Variants in RIC8B observed in about 807,000 individuals in gnomAD.
The protein encoded by RIC8B is chaperone Ric-8B.
In RIC8B, 16 loss-of-function variants were observed where a neutral mutation model predicts 57.5. The ratio of observed to expected loss-of-function variants is 0.28; its 90% CI spans 0.19 to 0.42. The LOEUF (loss-of-function observed/expected upper bound fraction) is 0.42, where lower values mean the gene tolerates loss of function less well. RIC8B is among the 10% of genes least tolerant of loss of function. The probability of loss-of-function intolerance (pLI) is 1.00; values close to 1 mark genes in which losing one functional copy is unlikely to be tolerated. For missense variants in RIC8B, 481 were observed against 677.0 expected (o/e 0.71, Z 3.21); for synonymous variants, 216 against 250.8 (o/e 0.86, Z 1.31).
intron 4 of RIC8B, among the ~76,000 whole-genome samples, chr12:106,842,272 G>T (rs1948984245): frequency 6.6e-6 from 1 of 152,146 alleles, no homozygotes; most frequent in African/African-American, 2.4e-5. Context: ...AGCTAGCATT[G>T]TTGCCATAAT....
At chr12:106,804,280 T>G (rs1489202250) in intron 2 of RIC8B, among the ~76,000 whole-genome samples, 1 of 151,494 alleles carries the variant, frequency 6.6e-6, no homozygotes, top group South Asian at 2.1e-4. Context: ...AATGGCGTGA[T>G]CTCTGCTCAC....
chr12:106,851,984 A>G (rs965163056), intron 7 of RIC8B, among the ~76,000 whole-genome samples: 3 of 152,160 alleles, frequency 2.0e-5, no homozygotes, highest in African/African-American at 2.4e-5. Flanking sequence ...AATTAAAGCT[A>G]TAGGAGTTTT....
intron 2 of RIC8B, among the ~76,000 whole-genome samples, chr12:106,803,541 T>C (rs533984643): frequency 1.4e-4 from 21 of 152,354 alleles, no homozygotes; most frequent in Admixed American, 7.8e-4. Context: ...TGGAAAGTTA[T>C]TGCATTTTCC....
chr12:106,816,900 A>T (rs1318312341), intron 3 of RIC8B, among the ~76,000 whole-genome samples: 2 of 152,210 alleles, frequency 1.3e-5, no homozygotes, highest in Non-Finnish European at 2.9e-5. Context: ...TCTTCAAAAG[A>T]TATATGAAAA....
At chr12:106,869,847 G>GGTGCTTCC (rs1395196608) in intron 8 of RIC8B, among the ~76,000 whole-genome samples, 1 of 152,290 alleles carries the variant, frequency 6.6e-6, no homozygotes, top group East Asian at 1.9e-4. Flanking sequence ...GTTGAGGCAG[G>GGTGCTTCC]AGAATCACTT....
At chr12:106,870,671 T>C in intron 8 of RIC8B, among the ~76,000 whole-genome samples, 152 bp from the exon 9 acceptor site, 1 of 152,196 alleles carries the variant, frequency 6.6e-6, no homozygotes, top group East Asian at 1.9e-4. Flanking sequence ...GTTTTAAAAA[T>C]TCCTATATCA....
chr12:106,819,786 A>G (rs2045758602), intron 3 of RIC8B, among the ~76,000 whole-genome samples: 2 of 148,242 alleles, frequency 1.3e-5, no homozygotes, highest in African/African-American at 2.4e-5. Flanking sequence ...TATATAATAT[A>G]TAAGTATATA....
At chr12:106,853,883 T>A (rs150799552) in intron 7 of RIC8B, among the ~76,000 whole-genome samples, 89 of 152,334 alleles carry the variant, frequency 5.8e-4, no homozygotes, top group African/African-American at 2.1e-3. Context: ...TACAGAGATA[T>A]ATAAGATAAA....
At chr12:106,836,089 T>C (rs1395468600) in intron 4 of RIC8B, among the ~76,000 whole-genome samples, 2 of 152,210 alleles carry the variant, frequency 1.3e-5, no homozygotes, top group African/African-American at 2.4e-5. Flanking sequence ...AGTGGACATT[T>C]TTCAGTCATC....
At chr12:106,884,331 T>C (rs1012547914) in intron 9 of RIC8B, among the ~76,000 whole-genome samples, 1 of 152,212 alleles carries the variant, frequency 6.6e-6, no homozygotes, top group Non-Finnish European at 1.5e-5. Context: ...CACATAGTCA[T>C]TGAACAGATG....
In RIC8B at chr12:106,814,050, A is replaced by G. The variant is rs145360378; in HGVS notation, c.133-646A>G. Among the ~76,000 whole-genome samples, 3 of 152,340 alleles carry G rather than the reference A, an allele frequency of 2.0e-5. No individual in the cohort carries two copies. In the South Asian group the frequency reaches 6.2e-4, roughly 32 times the overall value. ...TTTGTACAGTCTGTGCCCTACAGCA[A>G]GATAACAAAAGAAAGCTAAAATTCT... On this transcript the variant is annotated intron_variant, in intron 2 of 9. Coordinates refer to ENST00000392837, the MANE Select transcript of RIC8B (RefSeq NM_001330145.2).
chr12:106,876,587 C>T (rs555049498), intron 9 of RIC8B, among the ~76,000 whole-genome samples: 2 of 152,190 alleles, frequency 1.3e-5, no homozygotes, highest in East Asian at 3.9e-4. Context: ...ATTATCTATC[C>T]TTAGGTTATA....
chr12:106,834,722 G>A (rs966791044), intron 4 of RIC8B, among the ~76,000 whole-genome samples: 16 of 151,788 alleles, frequency 1.1e-4, no homozygotes, highest in African/African-American at 3.6e-4. Flanking sequence ...AGTGGCTCAC[G>A]CCTGTAATCC....
chr12:106,838,871 A>G (rs2046737289), intron 4 of RIC8B, among the ~76,000 whole-genome samples: 1 of 152,096 alleles, frequency 6.6e-6, no homozygotes, highest in Admixed American at 6.5e-5. Flanking sequence ...ACCTGAATAG[A>G]CATTTAACCA....
chr12:106,871,956 A>G (rs886998639), intron 9 of RIC8B, among the ~76,000 whole-genome samples: 1 of 152,234 alleles, frequency 6.6e-6, no homozygotes, highest in Non-Finnish European at 1.5e-5. Context: ...TGTGACAAGT[A>G]TGGATATTTA....
chr12:106,850,537 A>C (rs534082530), intron 6 of RIC8B, among the ~76,000 whole-genome samples: 40 of 152,290 alleles, frequency 2.6e-4, no homozygotes, highest in African/African-American at 7.9e-4. Flanking sequence ...AAGTTTCATA[A>C]GCCCTCTGGG....
At position 106,775,292 on chromosome 12, in the gene RIC8B, A is replaced by T. The variant is rs576644036; in HGVS notation, c.84+463A>T. 1.2e-3 allele frequency: 567 copies of T among 455,736 alleles called. 6 individuals are homozygous for T. The highest frequency in any genetic ancestry group is 2.0e-3 in the South Asian group (129 of 64,416). 28.2% of individuals were successfully genotyped at this position (455,736 alleles called of 1,614,324 possible). On this transcript the variant is annotated intron_variant, in intron 1 of 9. Transcript: ENST00000392837. ...GCACTGTACGGTTTTCAAGGCATTG[A>T]TGTCTCATCTATGGTCTCCTTTGAT...
intron 3 of RIC8B, among the ~76,000 whole-genome samples, chr12:106,824,010 C>T (rs539975825): frequency 4.6e-5 from 7 of 152,176 alleles, no homozygotes; most frequent in Admixed American, 3.3e-4. Context: ...TTTATTCAGG[C>T]GTTTGAGATG....
In RIC8B at chr12:106,774,725, G is replaced by T; in HGVS notation, c.-21G>T. On this transcript the variant is annotated 5_prime_UTR_variant, in exon 1 of 10. Coordinates refer to ENST00000392837, the MANE Select transcript of RIC8B (RefSeq NM_001330145.2). The stretch of plus-strand genomic sequence containing the variant: ...CGGCTTGGGCGCGCAGAGCGGCCGC[G>T]GCTCCCCCGCACCTGCGGCCATGGA... 6.5e-7 allele frequency: 1 copy of T among 1,542,404 alleles called. No individual in the cohort carries two copies. The highest frequency in any genetic ancestry group is 1.2e-5 in the South Asian group (1 of 83,382).
Sources: allele counts gnomAD v4.1 joint callset (sites outside exome capture counted in the v4.1 genomes callset), GRCh38; gene constraint gnomAD v4.1.1; transcripts MANE v1.5; gene names NCBI Gene and HGNC (gene_info 2026-07-23, HGNC 2026-07-21).